Variants in RMI2 observed in about 807,000 individuals in gnomAD.
RMI2 encodes recQ-mediated genome instability protein 2.
Under a neutral mutation model 8.4 loss-of-function variants are expected in RMI2, and 11 were observed. That is an observed-to-expected ratio of 1.32 (90% CI 0.83 to 2.18). The LOEUF is 2.18. Ranked by LOEUF, RMI2 falls within the 30% of genes most tolerant of loss-of-function variation. The pLI, the probability that RMI2 is intolerant of heterozygous loss-of-function variation, is 0.00. For synonymous variants in RMI2, 105 were observed against 93.8 expected (o/e 1.12, Z -0.69); for missense variants, 253 against 207.5 (o/e 1.22, Z -1.35).
At chr16:11,346,200 A>C (rs1367222064) in intron 1 of RMI2, among the ~76,000 whole-genome samples, 1 of 149,958 alleles carries the variant, frequency 6.7e-6, no homozygotes, top group Middle Eastern at 3.3e-3. Context: ...ACCCTCCTGT[A>C]CTTCTCCTTA....
intron 1 of RMI2, among the ~76,000 whole-genome samples, chr16:11,347,850 G>A (rs1252905939): frequency 1.3e-5 from 2 of 152,228 alleles, no homozygotes; most frequent in Non-Finnish European, 1.5e-5. Flanking sequence ...ACGCAGTCAT[G>A]GCTTGCTGCA....
intron 1 of RMI2, among the ~76,000 whole-genome samples, chr16:11,346,252 TC>T (rs1567491889): frequency 3.9e-5 from 5 of 128,156 alleles, no homozygotes; most frequent in Non-Finnish European, 5.2e-5. Context: ...GTTTGCCTCC[TC>T]TCTTTTTTTT....
chr16:11,346,255 CT>C lies in RMI2; in HGVS notation c.295+511del, dbSNP rs34808246. On this transcript the variant is annotated intron_variant, in intron 1 of 1. Transcript: ENST00000312499. ...TAGCTCACTCATGTTTGCCTCCTCT[CT>C]TTTTTTTTTTTTTTTTTTTTTGAGA... is the stretch of plus-strand genomic sequence containing the variant. 4.7e-3 allele frequency among the ~76,000 whole-genome samples: 540 copies of C among 115,912 alleles called. 1 individual carries two copies. The highest frequency in any genetic ancestry group is 0.015 in the African/African-American group (450 of 30,128). The allele number at this position is 115,912 out of a possible 152,430, so 76.0% of individuals were successfully genotyped here.
chr16:11,346,064 C>T (rs1254582605), intron 1 of RMI2, among the ~76,000 whole-genome samples: 1 of 152,218 alleles, frequency 6.6e-6, no homozygotes, highest in Non-Finnish European at 1.5e-5. Context: ...TTGTCACAAG[C>T]CCCCTCTCCC....
Position 11,350,820 on chromosome 16 carries a change from C to G in RMI2, c.*30C>G. ...TGTTGGAACTGTCGTTAAAAACAAC[C>G]AAAATCCCGAAACTATTTAGAAGCT... On this transcript the variant is annotated 3_prime_UTR_variant, in exon 2 of 2. Transcript: ENST00000312499. The G allele has an allele frequency of 6.4e-7, 1 of 1,559,730 alleles. No homozygotes were observed. The highest frequency in any genetic ancestry group is 1.2e-5 in the South Asian group (1 of 84,734).
chr16:11,348,750 G>C (rs750850686), intron 1 of RMI2: 5 of 152,338 alleles, frequency 3.3e-5, no homozygotes, highest in Admixed American at 6.5e-5. Flanking sequence ...GGGTTGCCTG[G>C]GACTGAGAGG....
intron 1 of RMI2, among the ~76,000 whole-genome samples, chr16:11,347,637 C>G (rs1236619610): frequency 6.6e-6 from 1 of 152,144 alleles, no homozygotes; most frequent in Admixed American, 6.5e-5. Context: ...GCTCCTGTTC[C>G]GTCTTCCCAC....
intron 1 of RMI2, 51 bp from the exon 2 acceptor site, chr16:11,350,591 A>G (rs575625613): frequency 1.5e-6 from 2 of 1,291,754 alleles, no homozygotes; most frequent in South Asian, 3.2e-5. Context: ...CTCTGTCTCA[A>G]AAGAAGAAAA....
chr16:11,348,033 G>C (rs921480082), intron 1 of RMI2: 1 of 152,228 alleles, frequency 6.6e-6, no homozygotes, highest in African/African-American at 2.4e-5. Flanking sequence ...GCCTCCCAAA[G>C]TGCTGGGACT....
At chr16:11,347,501 C>G (rs530630058) in intron 1 of RMI2, among the ~76,000 whole-genome samples, 5 of 152,306 alleles carry the variant, frequency 3.3e-5, no homozygotes, top group African/African-American at 1.2e-4. Context: ...TGGACTTGTA[C>G]TATTTTGTAA....
chr16:11,346,917 G>A (rs548798583), intron 1 of RMI2, among the ~76,000 whole-genome samples: 1 of 152,312 alleles, frequency 6.6e-6, no homozygotes, highest in Admixed American at 6.5e-5. Context: ...AGAACCACTG[G>A]GCCAGCCCAA....
rs530401321 is a variant in RMI2, at chr16:11,347,424, C to G, written c.295+1658C>G. Among the ~76,000 whole-genome samples, 16 of 152,320 alleles carry G rather than the reference C, an allele frequency of 1.1e-4. No homozygotes were observed. The South Asian group carries it at 3.3e-3, about 32-fold the overall frequency. On this transcript the variant is annotated intron_variant, in intron 1 of 1. Coordinates refer to ENST00000312499, the MANE Select transcript of RMI2 (RefSeq NM_152308.3). ...CTGAGCTGCTGTGGACTCGGAAAGG[C>G]TTAGGTCGAATTTCTGGTTCCACCC...
rs958894509 is a variant in RMI2, at chr16:11,349,735, C to T, written c.296-907C>T. Among the ~76,000 whole-genome samples, 1 of 152,166 alleles carries T rather than the reference C, an allele frequency of 6.6e-6. No individual in the cohort carries two copies. Among genetic ancestry groups the T allele is most frequent in the Admixed American group, 6.5e-5 (1 of 15,282 alleles). ...GCTTCAGTCAAAGCCCCAGGCCCCA[C>T]GTGCAGTGCAATGAAAGCCTCACGG... On this transcript the variant is annotated intron_variant, in intron 1 of 1. Coordinates refer to ENST00000312499, the MANE Select transcript of RMI2 (RefSeq NM_152308.3). The surrounding 1 kb of genome is among the most constrained non-coding windows in gnomAD (Gnocchi z 4.2).
At position 11,350,725 on chromosome 16, in the gene RMI2, GA is replaced by G. The variant is rs750270890; in HGVS notation, c.380del (p.Asp127ValfsTer13). 1 of 1,613,504 alleles carries G rather than the reference GA, an allele frequency of 6.2e-7. No homozygotes were observed. Among genetic ancestry groups the G allele is most frequent in the South Asian group, 1.1e-5 (1 of 91,020 alleles). On this transcript the variant is annotated frameshift_variant, in exon 2 of 2. Transcript: ENST00000312499. LOFTEE classifies it high-confidence loss of function. ...LQAVKMTDLS[D>X]NPIHESMWEL... is the part of the protein sequence containing the mutation. ...GGCTGTGAAGATGACAGACCTTTCT[GA>G]TAATCCCATCCATGAAAGTATGTGG...
At position 11,345,760 on chromosome 16, in the gene RMI2, G is replaced by C; in HGVS notation, c.289G>C (p.Val97Leu). 1 of 1,238,116 alleles carries C rather than the reference G, an allele frequency of 8.1e-7. No individual in the cohort carries two copies. The allele number at this position is 1,238,116 out of a possible 1,614,324, so 76.7% of individuals were successfully genotyped here. Residue 97 changes from valine to leucine, a missense_variant, in exon 1 of 2, where the codon GTC becomes CTC. Val to Leu is a conservative substitution (Grantham distance 32). Transcript: ENST00000312499. Reference protein sequence around the residue: ...ERVPRGRPCLVPGKYVMVMGV... With the variant: ...ERVPRGRPCLLPGKYVMVMGV... ...GGTGCCGCGCGGGCGGCCCTGTCTA[G>C]TCCCAGGTAATGCCCGGGCCTTACC...
rs956540817 is a variant in RMI2 at position 11,345,819 on chromosome 16, T to C, written c.295+53T>C. On this transcript the variant is annotated intron_variant, in intron 1 of 1. Transcript: ENST00000312499. ...TCTTCCCTGCTGCCCGCCGAGAAGTTGCCGAGGCCAGATTCGATCTTGTTG... is the reference window on the plus strand; with the variant it reads ...TCTTCCCTGCTGCCCGCCGAGAAGTCGCCGAGGCCAGATTCGATCTTGTTG... The C allele has an allele frequency of 3.9e-4, 471 of 1,206,716 alleles. 5 individuals are homozygous for C. In the East Asian group the frequency reaches 0.015, roughly 38 times the overall value. 74.8% of individuals were successfully genotyped at this position (1,206,716 alleles called of 1,614,324 possible).
intron 1 of RMI2, 65 bp downstream of exon 1, chr16:11,345,831 A>G (rs1597755654): frequency 2.6e-6 from 3 of 1,170,872 alleles, no homozygotes; most frequent in Non-Finnish European, 3.2e-6. Context: ...CCGAGGCCAG[A>G]TTCGATCTTG....
rs1597760086 is a variant in RMI2 at position 11,349,764 on chromosome 16, A to G, written c.296-878A>G. ...CAGTGCAATGAAAGCCTCACGGGGC[A>G]GGCAGCAGGGCTGGCACCGGGCCTG... On this transcript the variant is annotated intron_variant, in intron 1 of 1. Coordinates refer to ENST00000312499, the MANE Select transcript of RMI2 (RefSeq NM_152308.3). The surrounding 1 kb of genome is among the most constrained non-coding windows in gnomAD (Gnocchi z 4.2). Among the ~76,000 whole-genome samples, 1 of 152,196 alleles carries G rather than the reference A, an allele frequency of 6.6e-6. No individual in the cohort carries two copies. Among genetic ancestry groups the G allele is most frequent in the Non-Finnish European group, 1.5e-5 (1 of 68,034 alleles).
intron 1 of RMI2, among the ~76,000 whole-genome samples, chr16:11,350,218 C>T (rs894121995): frequency 1.3e-5 from 2 of 152,232 alleles, no homozygotes; most frequent in Non-Finnish European, 2.9e-5. Flanking sequence ...ATAACTCGCT[C>T]TGATGGGAGC....
Sources: gnomAD v4.1 joint callset for allele counts (sites outside exome capture counted in the v4.1 genomes callset) on GRCh38, gnomAD v4.1.1 for gene constraint, Gnocchi (gnomAD v3.1) non-coding constraint, MANE v1.5 for transcripts, NCBI Gene and HGNC (gene_info 2026-07-23, HGNC 2026-07-21) for gene names.